VCF1: variants seen among roughly 807,000 people sequenced by gnomAD.
VCF1 encodes the protein VCP nuclear cofactor family member 1.
the VCF1 span, chr17:73,229,150 C>T: frequency 9.2e-5 from 91 of 985,434 alleles, no homozygotes; most frequent in African/African-American, 1.4e-3. Context: ...TCATAAATTA[C>T]TTGATCTCTC....
the VCF1 span, among the ~76,000 whole-genome samples, chr17:73,216,729 G>T: frequency 0.027 from 4,163 of 152,290 alleles, 196 homozygotes; most frequent in African/African-American, 0.095. Context: ...TTGTGAAGCA[G>T]AGGACGGGGA....
the VCF1 span, among the ~76,000 whole-genome samples, chr17:73,220,591 T>C: frequency 1.5e-4 from 22 of 149,596 alleles, no homozygotes; most frequent in African/African-American, 4.3e-4. Context: ...ACTCCAGGCA[T>C]GCACCACCAC....
chr17:73,215,924 A>G, the VCF1 span, among the ~76,000 whole-genome samples: 1 of 152,118 alleles, frequency 6.6e-6, no homozygotes, highest in South Asian at 2.1e-4. Context: ...GGTATGACCA[A>G]TGGGAACAAG....
At chr17:73,209,609 C>T in the VCF1 span, 3 of 1,576,270 alleles carry the variant, frequency 1.9e-6, no homozygotes, top group South Asian at 3.5e-5. Flanking sequence ...AAGTAGAGGC[C>T]TTGGCACAGC....
the VCF1 span, chr17:73,227,022 G>C: frequency 3.8e-5 from 22 of 581,858 alleles, no homozygotes; most frequent in Admixed American, 7.0e-4. Flanking sequence ...AAGGGACCCT[G>C]ATTTGGAAAC....
chr17:73,207,816 G>C, the VCF1 span: 1 of 1,282,376 alleles, frequency 7.8e-7, no homozygotes, highest in Non-Finnish European at 1.0e-6. Flanking sequence ...CGAGTTGTTT[G>C]CTTTATTGTT....
chr17:73,210,471 A>C, the VCF1 span, among the ~76,000 whole-genome samples: 1 of 150,442 alleles, frequency 6.6e-6, no homozygotes, highest in Non-Finnish European at 1.5e-5. Flanking sequence ...GATAAGAGTC[A>C]CTTTCATTCT....
the VCF1 span, chr17:73,208,085 T>C: frequency 2.1e-6 from 3 of 1,425,816 alleles, no homozygotes; most frequent in South Asian, 2.9e-5. Context: ...TGTCTACCCT[T>C]TTCCCAAGAC....
At chr17:73,228,305 C>G in the VCF1 span, among the ~76,000 whole-genome samples, 1 of 152,256 alleles carries the variant, frequency 6.6e-6, no homozygotes, top group African/African-American at 2.4e-5. Flanking sequence ...TGTGGACACA[C>G]AGCTCTTGGA....
the VCF1 span, among the ~76,000 whole-genome samples, chr17:73,222,645 C>A: frequency 6.6e-6 from 1 of 151,874 alleles, no homozygotes; most frequent in Non-Finnish European, 1.5e-5. Flanking sequence ...GGCGAGCTGG[C>A]GGGTGCCTGT....
the VCF1 span, among the ~76,000 whole-genome samples, chr17:73,220,487 C>T: frequency 1.3e-5 from 2 of 152,114 alleles, no homozygotes; most frequent in African/African-American, 4.8e-5. Context: ...CTCTGTCACC[C>T]AGGCTGGAGT....
chr17:73,229,604 A>C, the VCF1 span: 1 of 984,610 alleles, frequency 1.0e-6, no homozygotes, highest in Non-Finnish European at 1.2e-6. Flanking sequence ...GGTGACTCAC[A>C]CCTGTAATCC....
the VCF1 span, among the ~76,000 whole-genome samples, chr17:73,226,582 T>A: frequency 6.6e-6 from 1 of 152,148 alleles, no homozygotes; most frequent in Non-Finnish European, 1.5e-5. Flanking sequence ...AGCCTTCCAA[T>A]TGCACAGAAA....
the VCF1 span, among the ~76,000 whole-genome samples, chr17:73,220,894 ATTTT>A: frequency 7.2e-5 from 7 of 96,668 alleles, no homozygotes; most frequent in Non-Finnish European, 5.9e-5. Context: ...TTTAATTTAG[ATTTT>A]TTTTTTTTTT....
chr17:73,207,619 C>T, the VCF1 span: 1 of 1,059,600 alleles, frequency 9.4e-7, no homozygotes, highest in Non-Finnish European at 1.3e-6. Context: ...GTTTTATCTT[C>T]CCTTTTAGTT....
chr17:73,212,843 T>A, the VCF1 span: 1 of 713,282 alleles, frequency 1.4e-6, no homozygotes, highest in African/African-American at 1.9e-5. Context: ...GATGCTACTC[T>A]AAGAAAAGGC....
chr17:73,208,306 A>T, the VCF1 span: 4 of 1,613,192 alleles, frequency 2.5e-6, no homozygotes, highest in East Asian at 8.9e-5. Context: ...CTCTACATCC[A>T]ATGGCAGGTT....
At chr17:73,208,335 A>G in the VCF1 span, 2 of 1,614,050 alleles carry the variant, frequency 1.2e-6, no homozygotes, top group Non-Finnish European at 1.7e-6. Flanking sequence ...GGCACGCTCC[A>G]CAGCTGGTGA....
At chr17:73,231,036 T>C in the VCF1 span, among the ~76,000 whole-genome samples, 1 of 152,186 alleles carries the variant, frequency 6.6e-6, no homozygotes, top group Non-Finnish European at 1.5e-5. Context: ...TCCGATGGCA[T>C]GTCTGTAATT....
Sources: gnomAD v4.1 joint callset for allele counts (sites outside exome capture counted in the v4.1 genomes callset) on GRCh38, gnomAD v4.1.1 for gene constraint, MANE v1.5 for transcripts, NCBI Gene and HGNC (gene_info 2026-07-23, HGNC 2026-07-21) for gene names.